Variants in FEZ1 observed in about 807,000 individuals in gnomAD.
The protein encoded by FEZ1 is fasciculation and elongation protein zeta-1.
In FEZ1, 20 loss-of-function variants were observed where a neutral mutation model predicts 49.3. The observed-to-expected ratio is 0.41, with a 90% CI of 0.29 to 0.59. FEZ1 has a LOEUF of 0.59. FEZ1 is among the 20% of genes least tolerant of loss of function. The pLI, the probability that FEZ1 is intolerant of heterozygous loss-of-function variation, is 0.36. For missense variants in FEZ1, 413 were observed against 476.0 expected (o/e 0.87, Z 1.23); for synonymous variants, 170 against 180.9 (o/e 0.94, Z 0.48).
intron 1 of FEZ1, among the ~76,000 whole-genome samples, chr11:125,494,411 A>C (rs1957436909): frequency 6.6e-6 from 1 of 152,210 alleles, no homozygotes; most frequent in South Asian, 2.1e-4. Context: ...AAAATGTCTG[A>C]AACAACCTTA....
chr11:125,480,994 G>A (rs1056399900), intron 3 of FEZ1, among the ~76,000 whole-genome samples: 29 of 151,564 alleles, frequency 1.9e-4, no homozygotes, highest in East Asian at 5.8e-4. Context: ...AGCCGAGATC[G>A]TGCCACTGCA....
At position 125,495,644 on chromosome 11, in the gene FEZ1, G is replaced by A. The variant is rs1483675316; in HGVS notation, c.-46+477C>T. 2.3e-6 allele frequency: 1 copy of A among 438,790 alleles called. No individual in the cohort carries two copies. The highest frequency in any genetic ancestry group is 4.7e-6 in the Non-Finnish European group (1 of 212,442). The allele number at this position is 438,790 out of a possible 1,614,324, so 27.2% of individuals were successfully genotyped here. A position where few individuals can be genotyped will look rare whatever the true frequency, so the allele number is the denominator to read the frequency against. ...AGTTTTTAGGGACAAAGATGATCTT[G>A]GGGCGTTTACGGTGACTGGACCAGA... On this transcript the variant is annotated intron_variant, in intron 1 of 9. Transcript: ENST00000278919. The surrounding 1 kb of genome is among the most constrained non-coding windows in gnomAD (Gnocchi z 4.2).
chr11:125,462,936 G>C (rs1480429389), intron 4 of FEZ1, among the ~76,000 whole-genome samples: 1 of 151,118 alleles, frequency 6.6e-6, no homozygotes. Context: ...GGAGGTTGAG[G>C]CTATAGTGAA....
intron 3 of FEZ1, among the ~76,000 whole-genome samples, chr11:125,477,229 T>G (rs1591596365): frequency 6.6e-6 from 1 of 151,940 alleles, no homozygotes; most frequent in Middle Eastern, 3.4e-3. Flanking sequence ...GTACAGTGCC[T>G]CACACCTGTA....
chr11:125,484,333 G>C (rs668593), intron 2 of FEZ1, among the ~76,000 whole-genome samples: 28,225 of 152,178 alleles, frequency 0.19, 2,765 homozygotes, highest in African/African-American at 0.22. Flanking sequence ...AGCTCACACT[G>C]CCAGTAATGG....
chr11:125,447,789 T>C, intron 9 of FEZ1, among the ~76,000 whole-genome samples: 1 of 147,492 alleles, frequency 6.8e-6, no homozygotes, highest in African/African-American at 2.5e-5. Context: ...GCCATTGCAC[T>C]CCAGACTGGG....
intron 3 of FEZ1, among the ~76,000 whole-genome samples, chr11:125,467,046 T>C (rs886191134): frequency 1.8e-4 from 27 of 152,002 alleles, no homozygotes; most frequent in African/African-American, 6.5e-4. Flanking sequence ...ATTTTTTTTT[T>C]TTTTAGACAC....
At chr11:125,446,503 G>C (rs540617450) in intron 9 of FEZ1, among the ~76,000 whole-genome samples, 1 of 152,186 alleles carries the variant, frequency 6.6e-6, no homozygotes, top group Non-Finnish European at 1.5e-5. Flanking sequence ...TCAGTGGCTC[G>C]TGAGGGGTAA....
rs374020779 is a variant in FEZ1, at chr11:125,449,895, A to G, written c.1097-1328T>C. ...AAATCCAATGGTGGCGTGAGTCAGCAGCCAGGTCCAGAAAAAGAGACTCAA... is the reference window on the plus strand; with the variant it reads ...AAATCCAATGGTGGCGTGAGTCAGCGGCCAGGTCCAGAAAAAGAGACTCAA... On this transcript the variant is annotated intron_variant, in intron 8 of 9. Coordinates refer to ENST00000278919, the MANE Select transcript of FEZ1 (RefSeq NM_005103.5). Among the ~76,000 whole-genome samples the G allele has an allele frequency of 4.1e-4, 62 of 152,340 alleles. No individual in the cohort carries two copies. The South Asian group carries it at 7.5e-3, about 18-fold the overall frequency.
chr11:125,463,473 G>C lies in FEZ1; in HGVS notation c.498+11C>G. The C allele has an allele frequency of 6.5e-7, 1 of 1,532,530 alleles. No individual in the cohort carries two copies. The highest frequency in any genetic ancestry group is 9.0e-7 in the Non-Finnish European group (1 of 1,106,648). 94.9% of individuals were successfully genotyped at this position (1,532,530 alleles called of 1,614,324 possible). On this transcript the variant is annotated intron_variant, in intron 4 of 9. Transcript: ENST00000278919. The stretch of plus-strand genomic sequence containing the variant: ...ACAAAAGGTCCCGATAACCTGGAGA[G>C]ATACTTATACCTGATCTGCTGTGAG...
intron 1 of FEZ1, among the ~76,000 whole-genome samples, chr11:125,492,542 A>G (rs1957391563): frequency 6.6e-6 from 1 of 152,228 alleles, no homozygotes; most frequent in Non-Finnish European, 1.5e-5. Flanking sequence ...AACAGTTTTC[A>G]CAGCCCAGGG....
At chr11:125,484,998 G>A (rs984098920) in intron 2 of FEZ1, among the ~76,000 whole-genome samples, 1 of 152,152 alleles carries the variant, frequency 6.6e-6, no homozygotes, top group African/African-American at 2.4e-5. Flanking sequence ...TTGGGAGTGT[G>A]CATCACCCCT....
rs1264470770 is a variant in FEZ1 at position 125,444,006 on chromosome 11, A to T, written c.*2089T>A. The stretch of plus-strand genomic sequence containing the variant: ...CTTCCCCTTTGCTGAGGCTGGTGAA[A>T]AACCCCGTCGCCGGCAGAGTGCTAA... On this transcript the variant is annotated 3_prime_UTR_variant, in exon 10 of 10. Transcript: ENST00000278919. 1.3e-5 allele frequency among the ~76,000 whole-genome samples: 2 copies of T among 152,168 alleles called. No individual in the cohort carries two copies. The highest frequency in any genetic ancestry group is 2.4e-5 in the African/African-American group (1 of 41,434).
At chr11:125,448,674 A>T (rs950636975) in intron 8 of FEZ1, 107 bp from the exon 9 acceptor site, 1 of 758,242 alleles carries the variant, frequency 1.3e-6, no homozygotes, top group Admixed American at 2.0e-5. Context: ...GATTCAAAAG[A>T]ACCAGACATT....
Position 125,495,897 on chromosome 11 carries a change from C to T in FEZ1, c.-46+224G>A, listed in dbSNP as rs1957464458. ...GGAAGTGCCCATCATCCCACATCTC[C>T]AGGGCCTGGCGCGGCGTCCCAGCTG... On this transcript the variant is annotated intron_variant, in intron 1 of 9. Coordinates refer to ENST00000278919, the MANE Select transcript of FEZ1 (RefSeq NM_005103.5). The surrounding 1 kb of genome is among the most constrained non-coding windows in gnomAD (Gnocchi z 4.2). 1 of 274,498 alleles carries T rather than the reference C, an allele frequency of 3.6e-6. No individual in the cohort carries two copies. Among genetic ancestry groups the T allele is most frequent in the Admixed American group, 5.4e-5 (1 of 18,454 alleles). 17.0% of individuals were successfully genotyped at this position (274,498 alleles called of 1,614,324 possible).
chr11:125,489,427 C>T lies in FEZ1; in HGVS notation c.311+40G>A, dbSNP rs774428585. The T allele has an allele frequency of 6.4e-6, 10 of 1,571,520 alleles. No homozygotes were observed. Among genetic ancestry groups the T allele is most frequent in the South Asian group, 3.6e-5 (3 of 82,360 alleles). On this transcript the variant is annotated intron_variant, in intron 2 of 9. Coordinates refer to ENST00000278919, the MANE Select transcript of FEZ1 (RefSeq NM_005103.5). The surrounding 1 kb of genome is among the most constrained non-coding windows in gnomAD (Gnocchi z 4.2). ...TGTCAAGGAGACAAGGACTACAGGG[C>T]TCTCGACTGAAGCAGGAGAGGGCAA...
intron 6 of FEZ1, chr11:125,455,565 C>A (rs761278612): frequency 2.6e-5 from 13 of 502,228 alleles, no homozygotes; most frequent in Non-Finnish European, 4.0e-5. Context: ...ACTCCACTTT[C>A]TTTAAGGTCT....
chr11:125,454,057 C>G, intron 7 of FEZ1, 73 bp downstream of exon 7: 1 of 942,400 alleles, frequency 1.1e-6, no homozygotes, highest in Non-Finnish European at 1.6e-6. Flanking sequence ...GAGTCACTGT[C>G]CCCCTGCGTT....
intron 9 of FEZ1, 122 bp downstream of exon 9, chr11:125,448,380 T>C (rs1956916389): frequency 1.5e-6 from 1 of 669,658 alleles, no homozygotes; most frequent in Non-Finnish European, 2.7e-6. Context: ...CTTTCAATTG[T>C]CCCTGATTTC....
Sources: allele counts gnomAD v4.1 joint callset (sites outside exome capture counted in the v4.1 genomes callset), GRCh38; gene constraint gnomAD v4.1.1; non-coding constraint Gnocchi (gnomAD v3.1); transcripts MANE v1.5; gene names NCBI Gene and HGNC (gene_info 2026-07-23, HGNC 2026-07-21).